MCCC1: variants seen among roughly 807,000 people sequenced by gnomAD.
MCCC1 encodes the protein methylcrotonyl-CoA carboxylase subunit 1.
A neutral mutation model predicts 83.8 loss-of-function variants in MCCC1; 64 were observed. That is an observed-to-expected ratio of 0.76 (90% CI 0.62 to 0.94). The LOEUF (loss-of-function observed/expected upper bound fraction) is 0.94. Among genes scored for constraint, MCCC1 ranks in the 40% least tolerant of loss-of-function variants. MCCC1 has a pLI of 0.00. For synonymous variants in MCCC1, 322 were observed against 315.4 expected (o/e 1.02, Z -0.22); for missense variants, 807 against 904.7 (o/e 0.89, Z 1.39).
chr3:183,053,656 T>C lies in MCCC1; in HGVS notation c.874-1416A>G, dbSNP rs188794133. On this transcript the variant is annotated intron_variant, in intron 8 of 18. Coordinates refer to ENST00000265594, the MANE Select transcript of MCCC1 (RefSeq NM_020166.5). ...CCCGTCTCTACTAAAAATACAAAAA[T>C]TAGCCGGGTGTGGTGGCAGGCGCCT... Among the ~76,000 whole-genome samples, 457 of 148,014 alleles carry C rather than the reference T, an allele frequency of 3.1e-3. 1 individual carries two copies. The highest frequency in any genetic ancestry group is 6.9e-3 in the Admixed American group (102 of 14,890).
At position 183,037,338 on chromosome 3, in the gene MCCC1, G is replaced by A. The variant is rs371795972; in HGVS notation, c.1474C>T (p.His492Tyr). The A allele has an allele frequency of 1.2e-4, 191 of 1,614,044 alleles. No individual in the cohort carries two copies. Among genetic ancestry groups the A allele is most frequent in the Non-Finnish European group, 1.5e-4 (181 of 1,180,048 alleles). ...GNVHTDFIPQ[H>Y]HKQLLLSRKA... ...CGACTGAGCAACAACTGTTTGTGGTGTTGAGGGATGAAATCAGTGTGCACG... is the reference window on the plus strand; with the variant it reads ...CGACTGAGCAACAACTGTTTGTGGTATTGAGGGATGAAATCAGTGTGCACG... Residue 492 changes from histidine to tyrosine, a missense_variant, in exon 13 of 19, where the codon CAC becomes TAC. His to Tyr is a moderately conservative substitution (Grantham distance 83). Transcript: ENST00000265594.
intron 8 of MCCC1, 35 bp from the exon 9 acceptor site, chr3:183,052,275 T>C: frequency 6.4e-7 from 1 of 1,570,466 alleles, no homozygotes; most frequent in Non-Finnish European, 8.8e-7. Context: ...TCTCCATTAG[T>C]AGCTTGCCTT....
At chr3:183,015,811 A>G (rs1711564589) in intron 18 of MCCC1, among the ~76,000 whole-genome samples, 2 of 152,102 alleles carry the variant, frequency 1.3e-5, no homozygotes, top group Non-Finnish European at 2.9e-5. Flanking sequence ...TTTCAACGAT[A>G]TGACTGGGAA....
chr3:183,088,499 G>A (rs1462356108), intron 3 of MCCC1, among the ~76,000 whole-genome samples: 5 of 152,096 alleles, frequency 3.3e-5, no homozygotes, highest in Admixed American at 6.5e-5. Context: ...GAGCCATGGT[G>A]CCCAGCCTGT....
intron 11 of MCCC1, among the ~76,000 whole-genome samples, chr3:183,039,956 C>T (rs1253527753): frequency 6.6e-6 from 1 of 151,514 alleles, no homozygotes; most frequent in African/African-American, 2.4e-5. Context: ...ATTAGCCGGG[C>T]GTGGTGGCGG....
In MCCC1 at chr3:183,015,551, G is replaced by T; in HGVS notation, c.2065C>A (p.Pro689Thr). The T allele has an allele frequency of 1.2e-6, 2 of 1,614,140 alleles. No individual in the cohort carries two copies. The highest frequency in any genetic ancestry group is 1.7e-6 in the Non-Finnish European group (2 of 1,180,018). Reference protein sequence around the residue: ...AMKMEHTIKSPKDGTVKKVFY... With the variant: ...AMKMEHTIKSTKDGTVKKVFY... ...ACTTTCTTTACTGTGCCATCCTTTGGAGACTTTATGGTATGCTGCAGAGAC... is the reference window on the plus strand; with the variant it reads ...ACTTTCTTTACTGTGCCATCCTTTGTAGACTTTATGGTATGCTGCAGAGAC... The change falls in exon 19 of 19, where the codon CCA becomes ACA. Residue 689 changes from proline (P) to threonine (T), a missense_variant. Physicochemically the swap from Pro to Thr is conservative, Grantham distance 38 (BLOSUM62 -1). Coordinates refer to ENST00000265594, the MANE Select transcript of MCCC1 (RefSeq NM_020166.5).
At position 183,064,274 on chromosome 3, in the gene MCCC1, C is replaced by T. The variant is rs1189403458; in HGVS notation, c.761+6725G>A. On this transcript the variant is annotated intron_variant, in intron 7 of 18. Transcript: ENST00000265594. This position sits in a 1 kb window ranked among gnomAD's most constrained non-coding sequence, Gnocchi z 4.5. Reference sequence around the variant, plus strand: ...GATGGGACTGCTAGAAAAGATCCCCCTTTTTTTTTTAATTCCAAGTGATAA... The same window carrying T: ...GATGGGACTGCTAGAAAAGATCCCCTTTTTTTTTTTAATTCCAAGTGATAA... Among the ~76,000 whole-genome samples, 1 of 151,374 alleles carries T rather than the reference C, an allele frequency of 6.6e-6. No individual in the cohort carries two copies. Among genetic ancestry groups the T allele is most frequent in the Non-Finnish European group, 1.5e-5 (1 of 67,860 alleles).
intron 1 of MCCC1, among the ~76,000 whole-genome samples, chr3:183,107,168 G>A (rs1719419168): frequency 1.3e-5 from 2 of 152,064 alleles, no homozygotes; most frequent in South Asian, 4.1e-4. Flanking sequence ...ACTTTGGGAG[G>A]CTGAGGCGGA....
chr3:183,068,442 A>G (rs1176719856), intron 7 of MCCC1, among the ~76,000 whole-genome samples: 2 of 152,184 alleles, frequency 1.3e-5, no homozygotes, highest in Non-Finnish European at 2.9e-5. Flanking sequence ...GTTACCCTAT[A>G]TGGTCTAAAA....
intron 15 of MCCC1, 198 bp from the exon 16 acceptor site, chr3:183,022,752 G>A (rs1030755902): frequency 3.8e-6 from 2 of 522,130 alleles, no homozygotes; most frequent in South Asian, 2.8e-5. Context: ...ATGACAGGAA[G>A]ATAATTAAAA....
At chr3:183,089,422 G>A (rs116204134) in intron 3 of MCCC1, among the ~76,000 whole-genome samples, 1 of 152,092 alleles carries the variant, frequency 6.6e-6, no homozygotes, top group South Asian at 2.1e-4. Context: ...CAGCGCTTTG[G>A]GACAACATAG....
intron 4 of MCCC1, 148 bp downstream of exon 4, chr3:183,086,545 T>C (rs1456344526): frequency 9.6e-6 from 7 of 728,156 alleles, no homozygotes; most frequent in Non-Finnish European, 1.7e-5. Context: ...AGAAATGAGA[T>C]GGGACATGCC....
intron 4 of MCCC1, among the ~76,000 whole-genome samples, chr3:183,081,810 G>A (rs1204470328): frequency 6.6e-6 from 1 of 152,176 alleles, no homozygotes; most frequent in East Asian, 1.9e-4. Context: ...TTGACATGGT[G>A]GGAGCACTGG....
upstream of MCCC1, chr3:183,099,538 GC>G (rs1719010622): frequency 2.1e-6 from 3 of 1,420,406 alleles, no homozygotes. Context: ...CGTGACCCCC[GC>G]CGGCCACCGT....
At chr3:183,052,070 A>G in intron 9 of MCCC1, 89 bp downstream of exon 9, 1 of 1,226,412 alleles carries the variant, frequency 8.2e-7, no homozygotes, top group Non-Finnish European at 1.2e-6. Flanking sequence ...CTTGAAAGCA[A>G]CTGATTTAAA....
At chr3:183,058,063 G>A (rs944716032) in intron 7 of MCCC1, among the ~76,000 whole-genome samples, 1 of 152,090 alleles carries the variant, frequency 6.6e-6, no homozygotes, top group Non-Finnish European at 1.5e-5. Context: ...GTAGGGATAC[G>A]TAACAAAAAG....
At chr3:183,015,911 G>GT (rs549666072) in intron 18 of MCCC1, among the ~76,000 whole-genome samples, 5,565 of 135,210 alleles carry the variant, frequency 0.041, 258 homozygotes, top group African/African-American at 0.11. Flanking sequence ...GCTTGCTTTT[G>GT]TTTTTTTTTT....
intron 7 of MCCC1, among the ~76,000 whole-genome samples, chr3:183,068,241 C>T (rs374053508): frequency 2.0e-5 from 3 of 152,134 alleles, no homozygotes; most frequent in African/African-American, 7.2e-5. Flanking sequence ...CATTTTTAAT[C>T]ACAAGAAGAG....
At chr3:183,015,971 C>T (rs1159015800) in intron 18 of MCCC1, among the ~76,000 whole-genome samples, 1 of 151,794 alleles carries the variant, frequency 6.6e-6, no homozygotes. Flanking sequence ...CTCTGTCACC[C>T]AGGCTGGAGT....
Sources: gnomAD v4.1 joint callset for allele counts (sites outside exome capture counted in the v4.1 genomes callset) on GRCh38, gnomAD v4.1.1 for gene constraint, Gnocchi (gnomAD v3.1) non-coding constraint, MANE v1.5 for transcripts, NCBI Gene and HGNC (gene_info 2026-07-23, HGNC 2026-07-21) for gene names.